GNAO1: variants seen among roughly 807,000 people sequenced by gnomAD.
The protein encoded by GNAO1 is G protein subunit alpha o1.
For missense variants in GNAO1, 166 were observed against 478.7 expected, an observed-to-expected ratio of 0.35 and a Z score of 6.10; for synonymous variants, 164 against 180.7, an observed-to-expected ratio of 0.91 and a Z score of 0.74.
chr16:56,260,162 G>A (rs1039992919), intron 2 of GNAO1, among the ~76,000 whole-genome samples: 6 of 152,316 alleles, frequency 3.9e-5, no homozygotes, highest in African/African-American at 1.4e-4. Flanking sequence ...CCTTAGCACA[G>A]TGCCTGCACC....
chr16:56,232,024 A>G (rs1337983642), intron 2 of GNAO1, among the ~76,000 whole-genome samples: 2 of 152,146 alleles, frequency 1.3e-5, no homozygotes, highest in African/African-American at 4.8e-5. Flanking sequence ...ATCCATTCCC[A>G]TTTATTGCAG....
rs145575911 is a variant in GNAO1 at position 56,193,054 on chromosome 16, C to T, written c.161+438C>T. The T allele has an allele frequency of 8.5e-5, 14 of 164,756 alleles. No homozygotes were observed. In the East Asian group the frequency reaches 2.3e-3, roughly 28 times the overall value. 10.2% of individuals were successfully genotyped at this position (164,756 alleles called of 1,614,324 possible). Reference sequence around the variant, plus strand: ...TCCCCCAAGGTCCGTAATCCCACTTCCCCCTGCTCTTTTCCTGGGGCAGTG... The same window carrying T: ...TCCCCCAAGGTCCGTAATCCCACTTTCCCCTGCTCTTTTCCTGGGGCAGTG... On this transcript the variant is annotated intron_variant, in intron 2 of 8. Transcript: ENST00000262493.
At chr16:56,348,035 T>C (rs1228406976) in intron 6 of GNAO1, 1 of 980,732 alleles carries the variant, frequency 1.0e-6, no homozygotes, top group East Asian at 1.1e-4. Flanking sequence ...AGTGCAGTGG[T>C]CCCACCTCCC....
intron 3 of GNAO1, among the ~76,000 whole-genome samples, chr16:56,280,228 T>A (rs2143531900): frequency 6.6e-6 from 1 of 152,288 alleles, no homozygotes; most frequent in South Asian, 2.1e-4. Context: ...GAAGAGCTGC[T>A]TAGTGGGAGT....
intron 2 of GNAO1, among the ~76,000 whole-genome samples, chr16:56,248,726 TGCAAAGGCC>T (rs1474639377): frequency 6.6e-6 from 1 of 152,098 alleles, no homozygotes; most frequent in Admixed American, 6.5e-5. Flanking sequence ...AAACAGCAAG[TGCAAAGGCC>T]CTGAGGTGGG....
At chr16:56,250,368 CA>C (rs1300732845) in intron 2 of GNAO1, among the ~76,000 whole-genome samples, 1 of 152,168 alleles carries the variant, frequency 6.6e-6, no homozygotes, top group African/African-American at 2.4e-5. Context: ...AAGCCTTGGC[CA>C]ATTAGACTAG....
intron 2 of GNAO1, among the ~76,000 whole-genome samples, chr16:56,227,513 T>C (rs1321816406): frequency 1.3e-5 from 2 of 152,026 alleles, no homozygotes; most frequent in Non-Finnish European, 2.9e-5. Flanking sequence ...GACATCACTG[T>C]GCTTCAACGG....
intron 3 of GNAO1, among the ~76,000 whole-genome samples, chr16:56,313,098 C>G (rs1268387230): frequency 6.6e-6 from 1 of 152,204 alleles, no homozygotes; most frequent in Admixed American, 6.5e-5. Flanking sequence ...AAGTTCTTCA[C>G]TTATCATAGG....
At chr16:56,325,682 C>T (rs1385491627) in intron 3 of GNAO1, among the ~76,000 whole-genome samples, 1 of 152,054 alleles carries the variant, frequency 6.6e-6, no homozygotes, top group Non-Finnish European at 1.5e-5. Flanking sequence ...GCCTCCACCT[C>T]CTCCAGTGCT....
intron 2 of GNAO1, among the ~76,000 whole-genome samples, chr16:56,229,893 A>G (rs1416237870): frequency 6.6e-6 from 1 of 152,170 alleles, no homozygotes; most frequent in African/African-American, 2.4e-5. Flanking sequence ...TTTTCCACCA[A>G]GTAGCTTTTG....
intron 6 of GNAO1, among the ~76,000 whole-genome samples, chr16:56,337,671 G>A (rs1029765057): frequency 7.9e-5 from 12 of 152,232 alleles, no homozygotes; most frequent in Non-Finnish European, 2.9e-5. Flanking sequence ...GTGGGGGGCT[G>A]TTGGCAGTGG....
At position 56,348,849 on chromosome 16, in the gene GNAO1, C is replaced by T. The variant is rs546984140; in HGVS notation, c.724-2535C>T. Among the ~76,000 whole-genome samples the T allele has an allele frequency of 5.9e-5, 9 of 152,140 alleles. 1 individual carries two copies. In the South Asian group the frequency reaches 1.9e-3, roughly 32 times the overall value. Reference sequence around the variant, plus strand: ...GCCTTTTGGGGCTCCCTCCAAGGCCCTCTCCCCATAAAACCAGGTTTGGTT... The same window carrying T: ...GCCTTTTGGGGCTCCCTCCAAGGCCTTCTCCCCATAAAACCAGGTTTGGTT... On this transcript the variant is annotated intron_variant, in intron 6 of 8. Transcript: ENST00000262493.
intron 2 of GNAO1, among the ~76,000 whole-genome samples, chr16:56,216,958 C>A (rs2036441862): frequency 6.6e-6 from 1 of 152,188 alleles, no homozygotes; most frequent in Non-Finnish European, 1.5e-5. Context: ...ATGAGTTAAT[C>A]CAGATAAAGC....
chr16:56,328,962 T>G, intron 4 of GNAO1, 171 bp downstream of exon 4: 1 of 633,928 alleles, frequency 1.6e-6, no homozygotes, highest in Non-Finnish European at 2.7e-6. Flanking sequence ...GGGGCCTCTC[T>G]TCCTGCACCC....
At chr16:56,224,732 G>T (rs141261368) in intron 2 of GNAO1, among the ~76,000 whole-genome samples, 71 of 152,312 alleles carry the variant, frequency 4.7e-4, no homozygotes, top group Middle Eastern at 3.4e-3. Flanking sequence ...CCACCAAAGT[G>T]TTGGGATTAC....
chr16:56,226,995 G>C (rs2143385267), intron 2 of GNAO1, among the ~76,000 whole-genome samples: 1 of 152,304 alleles, frequency 6.6e-6, no homozygotes, highest in Non-Finnish European at 1.5e-5. Flanking sequence ...AGTAATCACA[G>C]AATGGTTGCT....
intron 3 of GNAO1, among the ~76,000 whole-genome samples, chr16:56,305,258 T>C (rs1401955394): frequency 6.6e-6 from 1 of 152,194 alleles, no homozygotes; most frequent in African/African-American, 2.4e-5. Context: ...ATGAAGCAGA[T>C]GTAGGCCCTG....
At chr16:56,335,727 C>G (rs567993980) in intron 5 of GNAO1, among the ~76,000 whole-genome samples, 31 of 152,316 alleles carry the variant, frequency 2.0e-4, no homozygotes, top group African/African-American at 7.2e-4. Flanking sequence ...CCTGCTCCCC[C>G]ACTGGGAGCA....
chr16:56,195,110 C>T lies in GNAO1; in HGVS notation c.161+2494C>T, dbSNP rs1322910291. Reference sequence around the variant, plus strand: ...TTTTTTTTTCCAACCTTACAGGACACCTTTTTCAAGAAAAATGTCAGGAAA... The same window carrying T: ...TTTTTTTTTCCAACCTTACAGGACATCTTTTTCAAGAAAAATGTCAGGAAA... On this transcript the variant is annotated intron_variant, in intron 2 of 8. Coordinates refer to ENST00000262493, the MANE Select transcript of GNAO1 (RefSeq NM_020988.3). Among the ~76,000 whole-genome samples, 3 of 140,708 alleles carry T rather than the reference C, an allele frequency of 2.1e-5. No homozygotes were observed. The Admixed American group carries it at 2.2e-4, about 10-fold the overall frequency. The allele number at this position is 140,708 out of a possible 152,430, so 92.3% of individuals were successfully genotyped here. A position where few individuals can be genotyped will look rare whatever the true frequency, so the allele number is the denominator to read the frequency against.
Sources: allele counts gnomAD v4.1 joint callset (sites outside exome capture counted in the v4.1 genomes callset), GRCh38; gene constraint gnomAD v4.1.1; transcripts MANE v1.5; gene names NCBI Gene and HGNC (gene_info 2026-07-23, HGNC 2026-07-21).